Variants in CFAP126 observed in about 807,000 individuals in gnomAD.
CFAP126 encodes protein Flattop.
In CFAP126, 21 loss-of-function variants were observed where a neutral mutation model predicts 17.1. That is an observed-to-expected ratio of 1.23 (90% CI 0.87 to 1.77). The LOEUF (loss-of-function observed/expected upper bound fraction) is 1.77. CFAP126 is among the 40% of genes most tolerant of loss of function. The probability of loss-of-function intolerance (pLI) is 0.00; values close to 1 mark genes in which losing one functional copy is unlikely to be tolerated. For missense variants in CFAP126, 174 were observed against 215.4 expected (o/e 0.81, Z 1.20); for synonymous variants, 65 against 73.5 (o/e 0.88, Z 0.59).
chr1:161,366,609 A>G lies in CFAP126; in HGVS notation c.28-108T>C, dbSNP rs1312970732. On this transcript the variant is annotated intron_variant, in intron 1 of 4. Coordinates refer to ENST00000367974, the MANE Select transcript of CFAP126 (RefSeq NM_001013625.4). ...TTGAAGACCAAAGGCCTGACCAACC[A>G]TGTAGGCTTTAAGTCACTATGACAA... 24 of 981,202 alleles carry G rather than the reference A, an allele frequency of 2.4e-5. No individual in the cohort carries two copies. In the Admixed American group the frequency reaches 4.2e-4, roughly 17 times the overall value. The allele number at this position is 981,202 out of a possible 1,614,324, so 60.8% of individuals were successfully genotyped here.
chr1:161,367,638 C>A (rs779793647), intron 1 of CFAP126: 10 of 432,582 alleles, frequency 2.3e-5, no homozygotes, highest in Non-Finnish European at 4.0e-5. Context: ...AAATTGCCAA[C>A]TTCTGGTTTA....
chr1:161,365,157 G>A lies in CFAP126; in HGVS notation c.349-7C>T. On this transcript the variant is annotated splice_polypyrimidine_tract_variant and splice_region_variant and intron_variant, in intron 4 of 4. Transcript: ENST00000367974. ...GACTGTCTGGATCATGGGGCTGTCAGTGATAAGAGTGGGAGAGATAGTCAT... is the reference window on the plus strand; with the variant it reads ...GACTGTCTGGATCATGGGGCTGTCAATGATAAGAGTGGGAGAGATAGTCAT... 1 of 1,613,552 alleles carries A rather than the reference G, an allele frequency of 6.2e-7. No homozygotes were observed. Among genetic ancestry groups the A allele is most frequent in the Non-Finnish European group, 8.5e-7 (1 of 1,179,468 alleles).
rs1038127140 is a variant in CFAP126, at chr1:161,365,773, T to A, written c.172-71A>T. ...AACTGACTTAGACCTCTGTATTATT[T>A]CCTTTCTTTACCTTTAGGAATGCAT... is the stretch of plus-strand genomic sequence containing the variant. On this transcript the variant is annotated intron_variant, in intron 3 of 4. Coordinates refer to ENST00000367974, the MANE Select transcript of CFAP126 (RefSeq NM_001013625.4). The A allele has an allele frequency of 3.7e-6, 5 of 1,341,382 alleles. No individual in the cohort carries two copies. The African/African-American group carries it at 7.4e-5, about 20-fold the overall frequency. The allele number at this position is 1,341,382 out of a possible 1,614,324, so 83.1% of individuals were successfully genotyped here. A position where few individuals can be genotyped will look rare whatever the true frequency, so the allele number is the denominator to read the frequency against.
At chr1:161,365,290 G>A (rs901596107) in intron 4 of CFAP126, 140 bp from the exon 5 acceptor site, 41 of 1,011,686 alleles carry the variant, frequency 4.1e-5, no homozygotes, top group Non-Finnish European at 5.8e-5. Flanking sequence ...AGTTAAATTT[G>A]ATTTCTCTAA....
intron 3 of CFAP126, 28 bp downstream of exon 3, chr1:161,366,170 C>T: frequency 6.5e-7 from 1 of 1,537,080 alleles, no homozygotes; most frequent in Non-Finnish European, 9.0e-7. Context: ...ATTTGACTTT[C>T]TTGATAGGAG....
rs1672681743 is a variant in CFAP126, at chr1:161,365,100, C to G, written c.399G>C (p.Lys133Asn). The change falls in exon 5 of 5, where the codon AAG becomes AAC. Residue 133 changes from lysine (K) to asparagine (N), a missense_variant. Physicochemically the swap from Lys to Asn is moderately conservative, Grantham distance 94. Coordinates refer to ENST00000367974, the MANE Select transcript of CFAP126 (RefSeq NM_001013625.4). ...TTGGACTTCGTGCTTGTTGTACAGT[C>G]TTTGTGATAGACTTCTTTCTGAGTT... ...QKKLRKKSIT[K>N]TVQQARSPTI... is the part of the protein sequence containing the mutation. The G allele has an allele frequency of 6.2e-7, 1 of 1,614,008 alleles. No homozygotes were observed. Among genetic ancestry groups the G allele is most frequent in the South Asian group, 1.1e-5 (1 of 91,082 alleles).
Position 161,365,612 on chromosome 1 carries a change from C to T in CFAP126, c.262G>A (p.Gly88Ser). The change falls in exon 4 of 5, where the codon GGT becomes AGT. Residue 88 changes from glycine (G) to serine (S), a missense_variant. By Grantham distance (56) the Gly-to-Ser change is moderately conservative (BLOSUM62 0). Transcript: ENST00000367974. ...ATCCATTTGGTGAGGGAGGCAGCAC[C>T]AGCAGTTGTACGGGAGGTCAGGGTC... is the stretch of plus-strand genomic sequence containing the variant. ...RVTLTSRTTA[G>S]AASLTKWIQK... is the part of the protein sequence containing the mutation. 1 of 1,614,106 alleles carries T rather than the reference C, an allele frequency of 6.2e-7. No individual in the cohort carries two copies. The highest frequency in any genetic ancestry group is 2.2e-5 in the East Asian group (1 of 44,888).
At position 161,366,244 on chromosome 1, in the gene CFAP126, A is replaced by G; in HGVS notation, c.125T>C (p.Ile42Thr). ...CAGTAGATGACCACGATCGTTGGCA[A>G]TAATTTGAGTGTAGCCTTCATGAGA... ...ISSHEGYTQI[I>T]ANDRGHLLPS... Residue 42 changes from isoleucine (I) to threonine (T), a missense_variant, in exon 3 of 5, where the codon ATT becomes ACT. Transcript: ENST00000367974. 12 of 1,613,990 alleles carry G rather than the reference A, an allele frequency of 7.4e-6. No homozygotes were observed. Among genetic ancestry groups the G allele is most frequent in the Non-Finnish European group, 1.0e-5 (12 of 1,179,872 alleles).
chr1:161,365,232 C>G (rs750932527), intron 4 of CFAP126, 82 bp from the exon 5 acceptor site: 1 of 1,366,786 alleles, frequency 7.3e-7, no homozygotes, highest in Non-Finnish European at 1.0e-6. Flanking sequence ...GATTCTAACT[C>G]CCTTTCTCCC....
intron 3 of CFAP126, 128 bp from the exon 4 acceptor site, chr1:161,365,830 C>A: frequency 1.1e-6 from 1 of 912,602 alleles, no homozygotes; most frequent in Non-Finnish European, 1.6e-6. Context: ...GCATAATCTT[C>A]CCACCCTTCC....
chr1:161,366,624 C>G, intron 1 of CFAP126, 123 bp from the exon 2 acceptor site: 1 of 859,382 alleles, frequency 1.2e-6, no homozygotes, highest in Non-Finnish European at 1.9e-6. Flanking sequence ...GGCTTTAAGT[C>G]ACTATGACAA....
intron 1 of CFAP126, chr1:161,366,727 ATTGAGGTGC>A: frequency 1.8e-6 from 1 of 548,888 alleles, no homozygotes; most frequent in East Asian, 2.9e-5. Flanking sequence ...ACTAGTTCAA[ATTGAGGTGC>A]TTTGTAAATA....
At chr1:161,366,173 G>C in intron 3 of CFAP126, 25 bp downstream of exon 3, 1 of 1,540,216 alleles carries the variant, frequency 6.5e-7, no homozygotes, top group Non-Finnish European at 9.0e-7. Context: ...TGACTTTCTT[G>C]ATAGGAGTGA....
chr1:161,366,492 C>G lies in CFAP126; in HGVS notation c.37G>C (p.Ala13Pro). 12 of 1,613,980 alleles carry G rather than the reference C, an allele frequency of 7.4e-6. No homozygotes were observed. Among genetic ancestry groups the G allele is most frequent in the Non-Finnish European group, 1.0e-5 (12 of 1,179,908 alleles). The part of the protein sequence containing the change: ...TNYSANQYEK[A>P]FSSKYLQNWS... ...TTCTGCAGATACTTGGATGAGAAAG[C>G]CTTTTCATACTGTGGAGAGAAAGAT... The change falls in exon 2 of 5, where the codon GCT (alanine) becomes CCT (proline). Residue 13 changes from alanine to proline, a missense_variant. Coordinates refer to ENST00000367974, the MANE Select transcript of CFAP126 (RefSeq NM_001013625.4).
chr1:161,366,254 T>C lies in CFAP126; in HGVS notation c.115A>G (p.Thr39Ala). Reference protein sequence around the residue: ...KESISSHEGYTQIIANDRGHL... With the variant: ...KESISSHEGYAQIIANDRGHL... Reference sequence around the variant, plus strand: ...CCACGATCGTTGGCAATAATTTGAGTGTAGCCTTCATGAGAAGAGATGCTC... The same window carrying C: ...CCACGATCGTTGGCAATAATTTGAGCGTAGCCTTCATGAGAAGAGATGCTC... Residue 39 changes from threonine to alanine, a missense_variant, in exon 3 of 5, where the codon ACT becomes GCT. Transcript: ENST00000367974. 2 of 1,613,864 alleles carry C rather than the reference T, an allele frequency of 1.2e-6. No individual in the cohort carries two copies. Among genetic ancestry groups the C allele is most frequent in the Non-Finnish European group, 1.7e-6 (2 of 1,179,848 alleles).
chr1:161,365,774 C>G lies in CFAP126; in HGVS notation c.172-72G>C, dbSNP rs899222096. On this transcript the variant is annotated intron_variant, in intron 3 of 4. Transcript: ENST00000367974. ...ACTGACTTAGACCTCTGTATTATTTCCTTTCTTTACCTTTAGGAATGCATG... is the reference window on the plus strand; with the variant it reads ...ACTGACTTAGACCTCTGTATTATTTGCTTTCTTTACCTTTAGGAATGCATG... 3.8e-6 allele frequency: 5 copies of G among 1,304,020 alleles called. No individual in the cohort carries two copies. In the African/African-American group the frequency reaches 7.4e-5, roughly 19 times the overall value. The allele number at this position is 1,304,020 out of a possible 1,614,324, so 80.8% of individuals were successfully genotyped here.
At chr1:161,367,808 G>C in intron 1 of CFAP126, 34 bp downstream of exon 1, 1 of 1,595,442 alleles carries the variant, frequency 6.3e-7, no homozygotes, top group Non-Finnish European at 8.6e-7. Context: ...AAAAACAAAA[G>C]TAAACGTTAA....
rs1672676233 is a variant in CFAP126, at chr1:161,365,001, A to T, written c.498T>A (p.Gly166=). The T allele has an allele frequency of 6.2e-7, 1 of 1,614,162 alleles. No homozygotes were observed. The highest frequency in any genetic ancestry group is 8.5e-7 in the Non-Finnish European group (1 of 1,180,026). ...CTGGTCTTTGGGGACCTGGAGTATGACCTGCAGAGGGGTGTGAGCTTTGGA... is the reference window on the plus strand; with the variant it reads ...CTGGTCTTTGGGGACCTGGAGTATGTCCTGCAGAGGGGTGTGAGCTTTGGA... The part of the protein sequence containing the change: ...DELQSSHPSA[G]HTPGPQRPAK... The change falls in exon 5 of 5, where the codon GGT becomes GGA. Residue 166 remains glycine, a synonymous_variant. Transcript: ENST00000367974.
At chr1:161,366,586 G>A in intron 1 of CFAP126, 85 bp from the exon 2 acceptor site, 1 of 1,272,254 alleles carries the variant, frequency 7.9e-7, no homozygotes, top group Non-Finnish European at 1.1e-6. Flanking sequence ...CTTTAGATTT[G>A]AAGACCAAAG....
Sources: allele counts gnomAD v4.1 joint callset, GRCh38; gene constraint gnomAD v4.1.1; transcripts MANE v1.5; gene names NCBI Gene and HGNC (gene_info 2026-07-23, HGNC 2026-07-21).